Variants in STPG4 observed in about 807,000 individuals in gnomAD.
The protein encoded by STPG4 is sperm-tail PG-rich repeat containing 4.
In STPG4, 41 loss-of-function variants were observed where a neutral mutation model predicts 31.5. That is an observed-to-expected ratio of 1.30 (90% CI 1.01 to 1.69). STPG4 has a LOEUF of 1.69. Among genes scored for constraint, STPG4 ranks in the 40% most tolerant of loss-of-function variants. STPG4 has a pLI of 0.00. For synonymous variants in STPG4, 141 were observed against 103.0 expected (o/e 1.37, Z -2.24); for missense variants, 375 against 293.4 (o/e 1.28, Z -2.03).
At chr2:47,109,954 C>T (rs1402904747) in intron 5 of STPG4, among the ~76,000 whole-genome samples, 1 of 151,534 alleles carries the variant, frequency 6.6e-6, no homozygotes, top group Non-Finnish European at 1.5e-5. Context: ...TGTATCTGTA[C>T]AGACTCCTGG....
intron 5 of STPG4, among the ~76,000 whole-genome samples, chr2:47,103,706 C>T (rs1470877999): frequency 1.3e-5 from 2 of 151,994 alleles, no homozygotes; most frequent in Non-Finnish European, 2.9e-5. Flanking sequence ...CTGGAAGGTG[C>T]ACTGCCCAGA....
chr2:47,128,400 C>T (rs117563248), intron 5 of STPG4, among the ~76,000 whole-genome samples: 1 of 152,242 alleles, frequency 6.6e-6, no homozygotes, highest in East Asian at 1.9e-4. Context: ...AGCATGCTGC[C>T]CCCTGGGCCA....
chr2:47,141,934 A>T (rs1686720197), intron 3 of STPG4, among the ~76,000 whole-genome samples: 1 of 146,190 alleles, frequency 6.8e-6, no homozygotes, highest in Non-Finnish European at 1.5e-5. Flanking sequence ...AGGATCTAGG[A>T]TGCCCCACTC....
chr2:47,089,209 G>A (rs560963925), intron 6 of STPG4, among the ~76,000 whole-genome samples: 20 of 152,302 alleles, frequency 1.3e-4, no homozygotes, highest in African/African-American at 3.8e-4. Flanking sequence ...CGTGGGCTCC[G>A]ACAAACATGT....
intron 3 of STPG4, among the ~76,000 whole-genome samples, chr2:47,136,809 T>C (rs972438641): frequency 1.3e-5 from 2 of 152,228 alleles, no homozygotes; most frequent in East Asian, 3.8e-4. Flanking sequence ...TACCAGTATA[T>C]AGAAAAGTAA....
intron 3 of STPG4, among the ~76,000 whole-genome samples, chr2:47,149,805 C>T (rs1686900695): frequency 6.6e-6 from 1 of 152,114 alleles, no homozygotes; most frequent in Non-Finnish European, 1.5e-5. Flanking sequence ...ACCCAAAGTC[C>T]CAAGTAACAA....
At chr2:47,113,655 T>C (rs1413723237) in intron 5 of STPG4, among the ~76,000 whole-genome samples, 6 of 152,260 alleles carry the variant, frequency 3.9e-5, no homozygotes, top group African/African-American at 1.2e-4. Context: ...GAGTATGCTC[T>C]TGATTGCTGA....
intron 1 of STPG4, among the ~76,000 whole-genome samples, chr2:47,154,072 G>A (rs1686984520): frequency 6.6e-6 from 1 of 152,122 alleles, no homozygotes; most frequent in African/African-American, 2.4e-5. Flanking sequence ...CATTTATAAT[G>A]CCTTTATTAC....
At chr2:47,154,092 T>C (rs548451672) in intron 1 of STPG4, among the ~76,000 whole-genome samples, 2 of 152,286 alleles carry the variant, frequency 1.3e-5, no homozygotes, top group East Asian at 3.9e-4. Flanking sequence ...CTATAAAATA[T>C]AGGTCATCAA....
chr2:47,135,772 C>T (rs1249734759), intron 3 of STPG4, among the ~76,000 whole-genome samples: 1 of 152,166 alleles, frequency 6.6e-6, no homozygotes, highest in Non-Finnish European at 1.5e-5. Context: ...GACTCTGCTC[C>T]TTTGTCAAAA....
Position 47,099,693 on chromosome 2 carries a change from G to T in STPG4, c.520-9319C>A, listed in dbSNP as rs142138533. On this transcript the variant is annotated intron_variant, in intron 5 of 6. Coordinates refer to ENST00000445927, the MANE Select transcript of STPG4 (RefSeq NM_001163561.2). ...GGAGCCCCTTTCTGGGCTGGCCAAG[G>T]CCAGAGCCGGCTCCCTCAGCTTGCA... 3.4e-3 allele frequency among the ~76,000 whole-genome samples: 514 copies of T among 152,374 alleles called. 1 individual carries two copies. Among genetic ancestry groups the T allele is most frequent in the African/African-American group, 0.012 (498 of 41,600 alleles).
At chr2:47,133,518 ATC>A (rs1686530489) in intron 3 of STPG4, among the ~76,000 whole-genome samples, 1 of 146,322 alleles carries the variant, frequency 6.8e-6, no homozygotes, top group Non-Finnish European at 1.5e-5. Flanking sequence ...CAGTAAAAAT[ATC>A]TGATTCTCAC....
intron 5 of STPG4, among the ~76,000 whole-genome samples, chr2:47,122,540 TTAA>T (rs761822461): frequency 1.4e-4 from 22 of 152,086 alleles, no homozygotes; most frequent in Non-Finnish European, 2.6e-4. Flanking sequence ...TCCAAGTTAT[TTAA>T]TAATAAGTTA....
intron 5 of STPG4, among the ~76,000 whole-genome samples, chr2:47,109,637 A>G (rs933877987): frequency 1.3e-5 from 2 of 152,286 alleles, no homozygotes; most frequent in Middle Eastern, 3.4e-3. Context: ...GTTACCCACA[A>G]GTAAAACATA....
chr2:47,097,985 C>T (rs1183351608), intron 5 of STPG4, among the ~76,000 whole-genome samples: 1 of 151,322 alleles, frequency 6.6e-6, no homozygotes, highest in Admixed American at 6.6e-5. Context: ...CACTGAGGGA[C>T]CTGAAATTCA....
At chr2:47,153,335 A>C (rs1190069114) in intron 1 of STPG4, among the ~76,000 whole-genome samples, 1 of 152,242 alleles carries the variant, frequency 6.6e-6, no homozygotes, top group African/African-American at 2.4e-5. Context: ...GCTTGAAGCC[A>C]GACCGACTTA....
intron 5 of STPG4, among the ~76,000 whole-genome samples, chr2:47,096,375 G>A (rs1685669083): frequency 1.3e-5 from 2 of 152,174 alleles, no homozygotes; most frequent in South Asian, 2.1e-4. Context: ...GGGAAAGCTA[G>A]GCCAAAATGG....
At chr2:47,147,918 GCA>G (rs753624830) in intron 3 of STPG4, among the ~76,000 whole-genome samples, 20 of 150,610 alleles carry the variant, frequency 1.3e-4, no homozygotes, top group Non-Finnish European at 2.2e-4. Flanking sequence ...GTATATGCAT[GCA>G]CACACACACA....
intron 5 of STPG4, among the ~76,000 whole-genome samples, chr2:47,102,386 G>C (rs930210818): frequency 1.3e-5 from 2 of 151,882 alleles, no homozygotes; most frequent in Non-Finnish European, 2.9e-5. Context: ...CTGAAAAAGA[G>C]GCAGCTCATT....
Sources: gnomAD v4.1 joint callset for allele counts (sites outside exome capture counted in the v4.1 genomes callset) on GRCh38, gnomAD v4.1.1 for gene constraint, MANE v1.5 for transcripts, NCBI Gene and HGNC (gene_info 2026-07-23, HGNC 2026-07-21) for gene names.